WDFY3: variants seen among roughly 807,000 people sequenced by gnomAD.
WDFY3 encodes WD repeat and FYVE domain-containing protein 3.
A neutral mutation model predicts 409.6 loss-of-function variants in WDFY3; 66 were observed. The ratio of observed to expected loss-of-function variants is 0.16; its 90% CI spans 0.13 to 0.20. The LOEUF is 0.20. Among genes scored for constraint, WDFY3 ranks in the 10% least tolerant of loss-of-function variants. WDFY3 has a pLI of 1.00. For missense variants in WDFY3, 3,031 were observed against 4,298.1 expected, an observed-to-expected ratio of 0.71 and a Z score of 8.24; for synonymous variants, 1,521 against 1,537.1, an observed-to-expected ratio of 0.99 and a Z score of 0.25.
At chr4:84,877,646 G>C (rs1762961531) in intron 3 of WDFY3, among the ~76,000 whole-genome samples, 1 of 152,108 alleles carries the variant, frequency 6.6e-6, no homozygotes, top group Non-Finnish European at 1.5e-5. Flanking sequence ...CACCGTCTTG[G>C]TTCCCATAGC....
chr4:84,778,135 T>C (rs1419406969), intron 27 of WDFY3, among the ~76,000 whole-genome samples: 2 of 152,064 alleles, frequency 1.3e-5, no homozygotes, highest in African/African-American at 4.8e-5. Context: ...ATAAAATGAA[T>C]GATATTTTAC....
intron 66 of WDFY3, among the ~76,000 whole-genome samples, chr4:84,677,961 C>CAAAAAAAAAAAAAAAAAAAA (rs986393073): frequency 4.7e-5 from 1 of 21,180 alleles, no homozygotes; most frequent in African/African-American, 1.8e-4. Flanking sequence ...GACCCTGTCT[C>CAAAAAAAAAAAAAAAAAAAA]AAAAAAAAAA....
At chr4:84,843,992 C>T (rs1196074102) in intron 5 of WDFY3, among the ~76,000 whole-genome samples, 2 of 152,162 alleles carry the variant, frequency 1.3e-5, no homozygotes, top group East Asian at 1.9e-4. Context: ...AGTTGTCAAT[C>T]ATTTGATTCA....
intron 24 of WDFY3, 94 bp downstream of exon 24, chr4:84,785,882 TAGC>T: frequency 7.0e-7 from 1 of 1,431,434 alleles, no homozygotes; most frequent in Non-Finnish European, 9.5e-7. Flanking sequence ...GCATGATTTT[TAGC>T]AGTCACTCAT....
At chr4:84,938,248 G>A (rs1467436707) in intron 1 of WDFY3, among the ~76,000 whole-genome samples, 1 of 152,010 alleles carries the variant, frequency 6.6e-6, no homozygotes, top group African/African-American at 2.4e-5. Context: ...CTAAAAATGG[G>A]AATCTTTCCT....
At chr4:84,890,516 C>T (rs760028343) in intron 3 of WDFY3, among the ~76,000 whole-genome samples, 2 of 152,216 alleles carry the variant, frequency 1.3e-5, no homozygotes, top group Non-Finnish European at 2.9e-5. Context: ...ATCCTGCTGG[C>T]TGCTGGGAGG....
chr4:84,933,768 A>G (rs1579189986), intron 1 of WDFY3, among the ~76,000 whole-genome samples: 1 of 152,160 alleles, frequency 6.6e-6, no homozygotes, highest in Non-Finnish European at 1.5e-5. Flanking sequence ...ATGAGTGAAG[A>G]CATGCAAAGT....
chr4:84,845,175 A>G (rs1376616297), intron 5 of WDFY3, among the ~76,000 whole-genome samples: 1 of 152,180 alleles, frequency 6.6e-6, no homozygotes, highest in African/African-American at 2.4e-5. Flanking sequence ...AGTCTTCCAT[A>G]GCAAATTCAG....
chr4:84,761,908 A>G (rs958648998), intron 32 of WDFY3, among the ~76,000 whole-genome samples: 5 of 152,220 alleles, frequency 3.3e-5, no homozygotes, highest in Admixed American at 6.5e-5. Flanking sequence ...CAAAACCACA[A>G]TGAGATATCA....
At chr4:84,718,617 G>C (rs1734347746) in intron 47 of WDFY3, 47 bp from the exon 48 acceptor site, 1 of 1,581,914 alleles carries the variant, frequency 6.3e-7, no homozygotes, top group African/African-American at 1.4e-5. Flanking sequence ...TTTTTGTAAA[G>C]ATCAATTTTT....
intron 14 of WDFY3, 108 bp downstream of exon 14, chr4:84,809,779 G>A (rs1752174796): frequency 2.1e-6 from 2 of 956,806 alleles, no homozygotes; most frequent in African/African-American, 1.7e-5. Flanking sequence ...AATAGGAGAA[G>A]AGTCATCTGT....
At chr4:84,946,969 G>T (rs1309876534) in intron 1 of WDFY3, among the ~76,000 whole-genome samples, 1 of 151,524 alleles carries the variant, frequency 6.6e-6, no homozygotes, top group Non-Finnish European at 1.5e-5. Flanking sequence ...ACCACGCCTG[G>T]CTAATTTTTT....
intron 15 of WDFY3, among the ~76,000 whole-genome samples, chr4:84,805,155 T>C (rs1578601855): frequency 6.6e-6 from 1 of 152,288 alleles, no homozygotes; most frequent in East Asian, 1.9e-4. Context: ...ATAAGATGTA[T>C]ATGCAACATA....
intron 2 of WDFY3, among the ~76,000 whole-genome samples, chr4:84,914,108 T>C (rs1768142125): frequency 6.6e-6 from 1 of 152,174 alleles, no homozygotes; most frequent in African/African-American, 2.4e-5. Context: ...ACTGTTCATG[T>C]TGGTGGTAAG....
At chr4:84,934,878 T>G (rs2150985584) in intron 1 of WDFY3, among the ~76,000 whole-genome samples, 1 of 152,234 alleles carries the variant, frequency 6.6e-6, no homozygotes, top group South Asian at 2.1e-4. Context: ...CTTTGCTTTT[T>G]AAACAGTATA....
At chr4:84,778,713 A>C (rs1457390207) in intron 26 of WDFY3, 58 bp from the exon 27 acceptor site, 3 of 1,522,474 alleles carry the variant, frequency 2.0e-6, no homozygotes, top group Non-Finnish European at 2.7e-6. Context: ...TTCATTACAC[A>C]CACACAAACA....
chr4:84,882,898 G>C (rs1274138300), intron 3 of WDFY3, among the ~76,000 whole-genome samples: 1 of 151,862 alleles, frequency 6.6e-6, no homozygotes, highest in African/African-American at 2.4e-5. Context: ...TGTAGAGTTG[G>C]GGTCTCACTA....
At position 84,751,527 on chromosome 4, in the gene WDFY3, T is replaced by C; in HGVS notation, c.5929A>G (p.Thr1977Ala). ...RVLIIDNLCL[T>A]PASKQTPLID... ...AGTGGAGTTTGCTTGCTGGCAGGAG[T>C]GAGACAGAGGTTGTCTATGATTAAG... is the stretch of plus-strand genomic sequence containing the variant. The change falls in exon 36 of 68, where the codon ACT becomes GCT. Residue 1977 changes from threonine (T) to alanine (A), a missense_variant. Physicochemically the swap from Thr to Ala is moderately conservative, Grantham distance 58. Around this residue, in one of 16 missense-constraint regions of WDFY3, gnomAD observed 314 missense variants for 397.4 expected, o/e 0.79. Coordinates refer to ENST00000295888, the MANE Select transcript of WDFY3 (RefSeq NM_014991.6). 1 of 1,614,142 alleles carries C rather than the reference T, an allele frequency of 6.2e-7. No homozygotes were observed. The highest frequency in any genetic ancestry group is 1.1e-5 in the South Asian group (1 of 91,074).
intron 46 of WDFY3, among the ~76,000 whole-genome samples, chr4:84,721,844 C>G (rs1348425353): frequency 1.3e-5 from 2 of 152,022 alleles, no homozygotes; most frequent in African/African-American, 2.4e-5. Context: ...AAAACAACAA[C>G]AACAACAACA....
Sources: allele counts gnomAD v4.1 joint callset (sites outside exome capture counted in the v4.1 genomes callset), GRCh38; gene constraint gnomAD v4.1.1; regional missense constraint gnomAD v4.1.1; transcripts MANE v1.5; gene names NCBI Gene and HGNC (gene_info 2026-07-23, HGNC 2026-07-21).